ADAM9: variants seen among roughly 807,000 people sequenced by gnomAD.
ADAM9 encodes ADAM metallopeptidase domain 9.
Under a neutral mutation model 108.1 loss-of-function variants are expected in ADAM9, and 54 were observed. The observed-to-expected ratio is 0.50, with a 90% CI of 0.40 to 0.63. ADAM9 has a LOEUF of 0.63. ADAM9 is among the 20% of genes least tolerant of loss of function. The pLI is 0.00. For missense variants in ADAM9, 830 were observed against 997.7 expected (o/e 0.83, Z 2.26); for synonymous variants, 316 against 336.0 (o/e 0.94, Z 0.65).
At chr8:39,021,504 G>A (rs1836737917) in intron 7 of ADAM9, 139 bp from the exon 8 acceptor site, 1 of 739,016 alleles carries the variant, frequency 1.4e-6, no homozygotes, top group Non-Finnish European at 2.4e-6. Flanking sequence ...GGCTGGTCTC[G>A]AACTCCTGAC....
intron 11 of ADAM9, among the ~76,000 whole-genome samples, chr8:39,033,628 C>G (rs1837173647): frequency 6.6e-6 from 1 of 151,764 alleles, no homozygotes; most frequent in East Asian, 1.9e-4. Flanking sequence ...TCCATTTAAT[C>G]AAATCTAAAT....
intron 8 of ADAM9, among the ~76,000 whole-genome samples, chr8:39,022,067 TGTG>T: frequency 9.0e-6 from 1 of 110,750 alleles, no homozygotes; most frequent in South Asian, 2.3e-4. Context: ...ACAATATTTG[TGTG>T]TGTGTGTGTG....
chr8:39,104,919 A>G lies in ADAM9; in HGVS notation c.*1219A>G, dbSNP rs1299918382. The G allele has an allele frequency of 2.3e-6, 1 of 428,822 alleles. No homozygotes were observed. Among genetic ancestry groups the G allele is most frequent in the East Asian group, 7.0e-5 (1 of 14,322 alleles). The allele number at this position is 428,822 out of a possible 1,614,324, so 26.6% of individuals were successfully genotyped here. A position where few individuals can be genotyped will look rare whatever the true frequency, so the allele number is the denominator to read the frequency against. On this transcript the variant is annotated 3_prime_UTR_variant, in exon 22 of 22. Coordinates refer to ENST00000487273, the MANE Select transcript of ADAM9 (RefSeq NM_003816.3). The stretch of plus-strand genomic sequence containing the variant: ...ATAGGTTTATTAACTGAATTTCATT[A>G]GTTTTTTAAAAGTGTTTTTGGTTTG...
intron 4 of ADAM9, chr8:39,014,269 A>G (rs1836454492): frequency 5.3e-6 from 3 of 568,600 alleles, no homozygotes; most frequent in East Asian, 5.6e-5. Context: ...TTTAAAGACT[A>G]GGAAAATAAA....
chr8:39,071,465 CTTTTTTTT>C (rs34398586), intron 15 of ADAM9, 62 bp downstream of exon 15: 6 of 589,930 alleles, frequency 1.0e-5, no homozygotes, highest in Admixed American at 3.5e-5. Flanking sequence ...TCTCTAGTAT[CTTTTTTTT>C]TTTTTTTTTT....
chr8:39,061,724 G>A (rs1160672522), intron 14 of ADAM9, among the ~76,000 whole-genome samples: 2 of 152,096 alleles, frequency 1.3e-5, no homozygotes, highest in South Asian at 4.1e-4. Context: ...GGCAAGAGAC[G>A]AAGTGGGGCC....
chr8:39,058,495 A>G (rs1036442309), intron 14 of ADAM9, among the ~76,000 whole-genome samples: 1 of 152,186 alleles, frequency 6.6e-6, no homozygotes, highest in Admixed American at 6.5e-5. Flanking sequence ...AAACTTAATC[A>G]TGAAGCATGG....
rs1214147164 is a variant in ADAM9, at chr8:39,101,886, A to C, written c.2322A>C (p.Ala774=). 3.7e-6 allele frequency: 6 copies of C among 1,613,698 alleles called. No individual in the cohort carries two copies. Among genetic ancestry groups the C allele is most frequent in the African/African-American group, 1.3e-5 (1 of 74,892 alleles). ...AGCCTATATATGCAAACAGATTTGC[A>C]GTACCAACCTATGCAGCCAAGCAAC... ...REVPIYANRF[A]VPTYAAKQPQ... The change falls in exon 21 of 22, where the codon GCA becomes GCC. Residue 774 remains alanine, a synonymous_variant. Transcript: ENST00000487273.
chr8:39,035,698 T>A (rs1837249026), intron 11 of ADAM9, among the ~76,000 whole-genome samples: 1 of 152,172 alleles, frequency 6.6e-6, no homozygotes, highest in Non-Finnish European at 1.5e-5. Context: ...GCGCCTGTAG[T>A]CCCAGCTACT....
At chr8:38,999,739 C>T (rs981682374) in intron 1 of ADAM9, among the ~76,000 whole-genome samples, 2 of 152,122 alleles carry the variant, frequency 1.3e-5, no homozygotes, top group Non-Finnish European at 2.9e-5. Flanking sequence ...TCAAAAAGCA[C>T]TTGAAGCTTT....
At chr8:39,056,461 T>C (rs913412310) in intron 14 of ADAM9, among the ~76,000 whole-genome samples, 1 of 152,156 alleles carries the variant, frequency 6.6e-6, no homozygotes, top group African/African-American at 2.4e-5. Context: ...CTATAGAAGA[T>C]GAGTTAGTTT....
At chr8:39,069,460 C>T (rs1054880036) in intron 14 of ADAM9, among the ~76,000 whole-genome samples, 1 of 152,066 alleles carries the variant, frequency 6.6e-6, no homozygotes, top group African/African-American at 2.4e-5. Flanking sequence ...TCTCAAATTC[C>T]TTATATTTTT....
intron 20 of ADAM9, among the ~76,000 whole-genome samples, chr8:39,099,684 T>C (rs1355034396): frequency 6.6e-6 from 1 of 152,170 alleles, no homozygotes; most frequent in African/African-American, 2.4e-5. Flanking sequence ...AATTTTAGTT[T>C]TAATTGGCAA....
intron 8 of ADAM9, among the ~76,000 whole-genome samples, chr8:39,021,966 G>T (rs1372513879): frequency 6.6e-6 from 1 of 152,052 alleles, no homozygotes; most frequent in African/African-American, 2.4e-5. Context: ...CTAGGCTTAG[G>T]TGCTTTGGCA....
At chr8:38,998,166 G>A (rs1224354959) in intron 1 of ADAM9, among the ~76,000 whole-genome samples, 1 of 152,242 alleles carries the variant, frequency 6.6e-6, no homozygotes, top group African/African-American at 2.4e-5. Context: ...ACGCAGGACT[G>A]TTGACCTTCA....
chr8:39,016,374 T>G (rs1836526761), intron 5 of ADAM9, among the ~76,000 whole-genome samples, 180 bp downstream of exon 5: 1 of 152,196 alleles, frequency 6.6e-6, no homozygotes, highest in Admixed American at 6.5e-5. Flanking sequence ...TAAGAAAGTA[T>G]TATAGTTGAT....
In ADAM9 at chr8:39,095,773, T is replaced by A. The variant is rs764905599; in HGVS notation, c.2298+4427T>A. ...TATTTAGCTCTCTCTCCAGATTAAT[T>A]AATATTCGCTTTATATATTTAGGTG... On this transcript the variant is annotated intron_variant, in intron 20 of 21. Transcript: ENST00000487273. Among the ~76,000 whole-genome samples, 42 of 152,300 alleles carry A rather than the reference T, an allele frequency of 2.8e-4. No individual in the cohort carries two copies. In the Middle Eastern group the frequency reaches 0.01, roughly 37 times the overall value.
At chr8:39,056,820 A>C (rs1564323543) in intron 14 of ADAM9, among the ~76,000 whole-genome samples, 2 of 152,172 alleles carry the variant, frequency 1.3e-5, no homozygotes. Context: ...AAGTCTGAAC[A>C]GAAGGCCTCT....
At position 39,043,267 on chromosome 8, in the gene ADAM9, G is replaced by A. The variant is rs536120970; in HGVS notation, c.1302+1150G>A. 1.2e-4 allele frequency among the ~76,000 whole-genome samples: 18 copies of A among 152,168 alleles called. No individual in the cohort carries two copies. The East Asian group carries it at 3.5e-3, about 29-fold the overall frequency. On this transcript the variant is annotated intron_variant, in intron 12 of 21. Transcript: ENST00000487273. ...AATGCTAATATCTCTTCAAGATCTT[G>A]ATTTTATTTTAGATAAGTACCCAGA...
Sources: gnomAD v4.1 joint callset for allele counts (sites outside exome capture counted in the v4.1 genomes callset) on GRCh38, gnomAD v4.1.1 for gene constraint, MANE v1.5 for transcripts, NCBI Gene and HGNC (gene_info 2026-07-23, HGNC 2026-07-21) for gene names.